The following ASAP1 variants were observed in gnomAD, a reference collection of about 807,000 sequenced individuals.
ASAP1 encodes ArfGAP with SH3 domain, ankyrin repeat and PH domain 1.
In ASAP1, 43 loss-of-function variants were observed where a neutral mutation model predicts 145.2. The ratio of observed to expected loss-of-function variants is 0.30; its 90% CI spans 0.23 to 0.38. ASAP1 has a LOEUF of 0.38. Ranked by LOEUF, ASAP1 falls within the 10% of genes least tolerant of loss-of-function variation. ASAP1 has a pLI of 1.00. For synonymous variants in ASAP1, 546 were observed against 515.5 expected, an observed-to-expected ratio of 1.06 and a Z score of -0.80; for missense variants, 1,018 against 1,355.3, an observed-to-expected ratio of 0.75 and a Z score of 3.91.
In ASAP1 at chr8:130,060,666, G is replaced by A; in HGVS notation, c.3105C>T (p.Ala1035=). The change falls in exon 28 of 30, where the codon GCC becomes GCT. Residue 1035 remains alanine (A), a synonymous_variant. Transcript: ENST00000518721. The part of the protein sequence containing the change: ...DLSPNVQSRD[A]IQKQASEDSN... ...AGTCTTCAGATGCTTGCTTTTGGATGGCGTCTCTGGACTGCACATTTGGGG... is the reference window on the plus strand; with the variant it reads ...AGTCTTCAGATGCTTGCTTTTGGATAGCGTCTCTGGACTGCACATTTGGGG... 6.2e-7 allele frequency: 1 copy of A among 1,614,152 alleles called. No homozygotes were observed. Among genetic ancestry groups the A allele is most frequent in the East Asian group, 2.2e-5 (1 of 44,886 alleles).
chr8:130,388,890 T>G (rs1283009440), intron 2 of ASAP1, among the ~76,000 whole-genome samples: 1 of 152,160 alleles, frequency 6.6e-6, no homozygotes, highest in Non-Finnish European at 1.5e-5. Flanking sequence ...AACTGCAGGC[T>G]CCAGGGCCAG....
chr8:130,071,033 A>T (rs1289574719), intron 27 of ASAP1, among the ~76,000 whole-genome samples: 2 of 98,632 alleles, frequency 2.0e-5, no homozygotes. Flanking sequence ...AGAGAGAGAG[A>T]GAGAGAGAGA....
chr8:130,297,724 G>C lies in ASAP1; in HGVS notation c.186+60293C>G, dbSNP rs555202268. Among the ~76,000 whole-genome samples, 14 of 152,172 alleles carry C rather than the reference G, an allele frequency of 9.2e-5. No individual in the cohort carries two copies. In the South Asian group the frequency reaches 1.9e-3, roughly 20 times the overall value. On this transcript the variant is annotated intron_variant, in intron 3 of 29. Coordinates refer to ENST00000518721, the MANE Select transcript of ASAP1 (RefSeq NM_018482.4). ...CTGTCAGAGACAAAGAAAACAAAGCGGGGGGGCGGGGAGCAGAGGTAGAGC... is the reference window on the plus strand; with the variant it reads ...CTGTCAGAGACAAAGAAAACAAAGCCGGGGGGCGGGGAGCAGAGGTAGAGC...
chr8:130,086,362 A>G (rs746563404), intron 25 of ASAP1, among the ~76,000 whole-genome samples: 1 of 152,238 alleles, frequency 6.6e-6, no homozygotes, highest in Non-Finnish European at 1.5e-5. Context: ...ACGTTAACAC[A>G]TGCGAAGTGC....
At position 130,054,675 on chromosome 8, in the gene ASAP1, A is replaced by G. The variant is rs954705507; in HGVS notation, c.*56T>C. 5 of 1,497,728 alleles carry G rather than the reference A, an allele frequency of 3.3e-6. No individual in the cohort carries two copies. Among genetic ancestry groups the G allele is most frequent in the Non-Finnish European group, 4.6e-6 (5 of 1,075,272 alleles). 92.8% of individuals were successfully genotyped at this position (1,497,728 alleles called of 1,614,324 possible). On this transcript the variant is annotated 3_prime_UTR_variant, in exon 30 of 30. Transcript: ENST00000518721. ...ATATACACACTGTGCCCAGGGTTACATGAAGGCAGCAGTCTTGCATGAAGG... is the reference window on the plus strand; with the variant it reads ...ATATACACACTGTGCCCAGGGTTACGTGAAGGCAGCAGTCTTGCATGAAGG...
At chr8:130,154,778 T>C (rs2097654645) in intron 12 of ASAP1, among the ~76,000 whole-genome samples, 1 of 152,206 alleles carries the variant, frequency 6.6e-6, no homozygotes, top group African/African-American at 2.4e-5. Flanking sequence ...TCTAACCAAA[T>C]GCAAATTGAA....
intron 5 of ASAP1, among the ~76,000 whole-genome samples, chr8:130,190,331 A>G (rs1815053471): frequency 6.6e-6 from 1 of 152,128 alleles, no homozygotes; most frequent in Non-Finnish European, 1.5e-5. Context: ...ATTTTTGTAT[A>G]TGGTGAGAGA....
intron 1 of ASAP1, among the ~76,000 whole-genome samples, chr8:130,437,162 T>C (rs1004309404): frequency 1.3e-5 from 2 of 150,750 alleles, no homozygotes; most frequent in South Asian, 2.1e-4. Flanking sequence ...TCAACAAATG[T>C]GGTAACACAG....
At chr8:130,391,284 A>G (rs1018942275) in intron 2 of ASAP1, among the ~76,000 whole-genome samples, 1 of 152,164 alleles carries the variant, frequency 6.6e-6, no homozygotes, top group Non-Finnish European at 1.5e-5. Context: ...AGGGAGAGGG[A>G]AGAGAAGGAG....
chr8:130,262,734 G>A (rs1820014159), intron 3 of ASAP1, among the ~76,000 whole-genome samples: 1 of 152,142 alleles, frequency 6.6e-6, no homozygotes, highest in African/African-American at 2.4e-5. Flanking sequence ...TAAGAGAGCA[G>A]ACCTCAAATA....
At chr8:130,159,787 T>C (rs1234432614) in intron 12 of ASAP1, 77 bp downstream of exon 12, 1 of 1,165,844 alleles carries the variant, frequency 8.6e-7, no homozygotes, top group Non-Finnish European at 1.3e-6. Context: ...ATTTTAAGTG[T>C]GTTTCCCTAT....
At chr8:130,396,388 G>A (rs1828532048) in intron 2 of ASAP1, among the ~76,000 whole-genome samples, 1 of 152,118 alleles carries the variant, frequency 6.6e-6, no homozygotes, top group African/African-American at 2.4e-5. Flanking sequence ...AAAAATGAAG[G>A]GAGGGAGGAA....
chr8:130,089,256 T>C (rs568941795), intron 25 of ASAP1, among the ~76,000 whole-genome samples: 4 of 152,248 alleles, frequency 2.6e-5, no homozygotes, highest in Admixed American at 6.5e-5. Context: ...GGGCATACTG[T>C]AAGCAAAGGC....
chr8:130,259,350 C>T (rs1035345913), intron 3 of ASAP1, among the ~76,000 whole-genome samples: 8 of 152,276 alleles, frequency 5.3e-5, no homozygotes, highest in South Asian at 2.1e-4. Context: ...TTATTTCTCA[C>T]GAGTTCCTTC....
chr8:130,202,809 C>T (rs146744979), intron 5 of ASAP1, among the ~76,000 whole-genome samples: 232 of 152,238 alleles, frequency 1.5e-3, no homozygotes, highest in African/African-American at 5.4e-3. Context: ...CAAAGTCAAG[C>T]TATTTCTGCC....
intron 13 of ASAP1, among the ~76,000 whole-genome samples, chr8:130,152,140 A>G (rs1221461119): frequency 1.3e-5 from 2 of 152,226 alleles, no homozygotes; most frequent in East Asian, 1.9e-4. Flanking sequence ...GCAGTGCCCC[A>G]AGGACATCAC....
chr8:130,342,529 C>G (rs77825006), intron 3 of ASAP1, among the ~76,000 whole-genome samples: 1 of 152,062 alleles, frequency 6.6e-6, no homozygotes, highest in African/African-American at 2.4e-5. Context: ...CCTAGGGAAG[C>G]AGAGGCCCAA....
intron 3 of ASAP1, among the ~76,000 whole-genome samples, chr8:130,321,984 A>C (rs1420594307): frequency 2.6e-5 from 4 of 152,264 alleles, no homozygotes; most frequent in Admixed American, 6.5e-5. Flanking sequence ...ACTTCTAGCA[A>C]ATTAAACTTG....
chr8:130,393,784 G>C (rs1443440611), intron 2 of ASAP1, among the ~76,000 whole-genome samples: 1 of 152,152 alleles, frequency 6.6e-6, no homozygotes, highest in Non-Finnish European at 1.5e-5. Context: ...CAAACAGAGG[G>C]ACCAGCTGAA....
Sources: allele counts gnomAD v4.1 joint callset (sites outside exome capture counted in the v4.1 genomes callset), GRCh38; gene constraint gnomAD v4.1.1; transcripts MANE v1.5; gene names NCBI Gene and HGNC (gene_info 2026-07-23, HGNC 2026-07-21).